The following LAMA3 variants were observed in gnomAD, a reference collection of about 807,000 sequenced individuals.
LAMA3 encodes laminin subunit alpha-3.
In LAMA3, 281 loss-of-function variants were observed where a neutral mutation model predicts 402.0. The observed-to-expected ratio is 0.70, with a 90% CI of 0.63 to 0.77. The LOEUF (loss-of-function observed/expected upper bound fraction) is 0.77. Ranked by LOEUF, LAMA3 falls within the 30% of genes least tolerant of loss-of-function variation. LAMA3 has a pLI of 0.00. For missense variants in LAMA3, 3,840 were observed against 4,215.5 expected, an observed-to-expected ratio of 0.91 and a Z score of 2.47; for synonymous variants, 1,431 against 1,558.4, an observed-to-expected ratio of 0.92 and a Z score of 1.93.
Position 23,935,371 on chromosome 18 carries a change from GTCTCTGCGTGGGCT to G in LAMA3, c.8862+1439_8862+1452del, listed in dbSNP as rs551016625. Reference sequence around the variant, plus strand: ...GAAATTTGGTGGGAGACTGTCAGGAGTCTCTGCGTGGGCTTCAGCAGATAGGGTGGGACTGGGGC... The same window carrying G: ...GAAATTTGGTGGGAGACTGTCAGGAGTCAGCAGATAGGGTGGGACTGGGGC... On this transcript the variant is annotated intron_variant, in intron 67 of 74. Transcript: ENST00000313654. Among the ~76,000 whole-genome samples, 3 of 152,356 alleles carry G rather than the reference GTCTCTGCGTGGGCT, an allele frequency of 2.0e-5. No homozygotes were observed. In the South Asian group the frequency reaches 6.2e-4, roughly 32 times the overall value.
chr18:23,941,593 C>A (rs1318372367), intron 68 of LAMA3, among the ~76,000 whole-genome samples: 1 of 152,148 alleles, frequency 6.6e-6, no homozygotes, highest in Non-Finnish European at 1.5e-5. Context: ...TTCTGATTTA[C>A]ATTCTAGCAG....
chr18:23,693,249 C>T, intron 1 of LAMA3, among the ~76,000 whole-genome samples: 1 of 152,188 alleles, frequency 6.6e-6, no homozygotes, highest in East Asian at 1.9e-4. Context: ...GAGGCTGAGG[C>T]AGCAGAATTG....
intron 68 of LAMA3, among the ~76,000 whole-genome samples, chr18:23,943,270 G>GGTGA (rs2082588092): frequency 6.6e-6 from 1 of 152,224 alleles, no homozygotes; most frequent in Non-Finnish European, 1.5e-5. Flanking sequence ...TAGAGTGGTG[G>GGTGA]TTTGTTGTCA....
rs1015504746 is a variant in LAMA3, at chr18:23,758,821, T to C, written c.1063+310T>C. Among the ~76,000 whole-genome samples, 9 of 152,308 alleles carry C rather than the reference T, an allele frequency of 5.9e-5. No individual in the cohort carries two copies. In the East Asian group the frequency reaches 1.7e-3, roughly 29 times the overall value. On this transcript the variant is annotated intron_variant, in intron 7 of 74. Coordinates refer to ENST00000313654, the MANE Select transcript of LAMA3 (RefSeq NM_198129.4). ...CAACCACTATAAAATTTTAACATCT[T>C]ATCCATTTCATAGGACGTGATACTG...
chr18:23,806,616 C>T (rs72889200), intron 12 of LAMA3, among the ~76,000 whole-genome samples: 7,741 of 152,230 alleles, frequency 0.051, 248 homozygotes, highest in Non-Finnish European at 0.073. Context: ...TCCCCATCTT[C>T]GTCATGATCT....
At chr18:23,767,578 C>CTTTTTTTTTTT (rs71163640) in intron 8 of LAMA3, among the ~76,000 whole-genome samples, 1 of 125,802 alleles carries the variant, frequency 7.9e-6, no homozygotes, top group Non-Finnish European at 1.6e-5. Flanking sequence ...TCTTTCTTTT[C>CTTTTTTTTTTT]TTTTTTTTTT....
rs1390660427 is a variant in LAMA3 at position 23,741,241 on chromosome 18, A to G, written c.448-6702A>G. Reference sequence around the variant, plus strand: ...CCCAGAGCCAAGCATACTCTTTCTGATAGTGCCAGGGCCTGAGTTTTTCAG... The same window carrying G: ...CCCAGAGCCAAGCATACTCTTTCTGGTAGTGCCAGGGCCTGAGTTTTTCAG... On this transcript the variant is annotated intron_variant, in intron 2 of 74. Coordinates refer to ENST00000313654, the MANE Select transcript of LAMA3 (RefSeq NM_198129.4). 2.6e-5 allele frequency among the ~76,000 whole-genome samples: 4 copies of G among 151,906 alleles called. 1 individual carries two copies. Among genetic ancestry groups the G allele is most frequent in the African/African-American group, 9.7e-5 (4 of 41,350 alleles).
chr18:23,764,053 T>C (rs2062028429), intron 8 of LAMA3, among the ~76,000 whole-genome samples: 3 of 152,214 alleles, frequency 2.0e-5, no homozygotes, highest in African/African-American at 7.2e-5. Flanking sequence ...CATCTCTTCA[T>C]TGAGATATTC....
At chr18:23,700,496 A>G (rs1446297060) in intron 1 of LAMA3, among the ~76,000 whole-genome samples, 1 of 152,140 alleles carries the variant, frequency 6.6e-6, no homozygotes, top group East Asian at 1.9e-4. Flanking sequence ...AATTAAGAGT[A>G]TGGGCTTTGG....
At chr18:23,880,387 A>C (rs2064857319) in intron 39 of LAMA3, among the ~76,000 whole-genome samples, 1 of 152,230 alleles carries the variant, frequency 6.6e-6, no homozygotes, top group Non-Finnish European at 1.5e-5. Context: ...GGAAAAAAAG[A>C]AAGGATATTT....
Position 23,916,800 on chromosome 18 carries a change from T to C in LAMA3, c.7923+105T>C, listed in dbSNP as rs1044990432. ...ATGACCCACTAGATCTGGAAAACAA[T>C]GTGTAAATGTTACCTGCATCCTTTT... On this transcript the variant is annotated intron_variant, in intron 60 of 74. Coordinates refer to ENST00000313654, the MANE Select transcript of LAMA3 (RefSeq NM_198129.4). 7.4e-6 allele frequency: 8 copies of C among 1,079,168 alleles called. No individual in the cohort carries two copies. The African/African-American group carries it at 1.1e-4, about 15-fold the overall frequency. The allele number at this position is 1,079,168 out of a possible 1,614,324, so 66.8% of individuals were successfully genotyped here.
At chr18:23,717,198 TG>T (rs1372543363) in intron 2 of LAMA3, among the ~76,000 whole-genome samples, 1 of 152,210 alleles carries the variant, frequency 6.6e-6, no homozygotes, top group Non-Finnish European at 1.5e-5. Context: ...TCCTATTTTT[TG>T]CCCCATTGGT....
rs1555703785 is a variant in LAMA3 at position 23,826,700 on chromosome 18, A to G, written c.2572-2A>G. The G allele has an allele frequency of 6.5e-7, 1 of 1,550,352 alleles. No homozygotes were observed. The highest frequency in any genetic ancestry group is 8.7e-7 in the Non-Finnish European group (1 of 1,143,892). ...ATTCTCCTTTTGGTCTTTATTTTCT[A>G]GGATTACCTGGTGCTGCTCCCCAGG... On this transcript the variant is annotated splice_acceptor_variant, in intron 21 of 74. Transcript: ENST00000313654. LOFTEE classifies it high-confidence loss of function.
At chr18:23,766,533 G>A (rs2062078403) in intron 8 of LAMA3, among the ~76,000 whole-genome samples, 1 of 152,118 alleles carries the variant, frequency 6.6e-6, no homozygotes, top group African/African-American at 2.4e-5. Flanking sequence ...CAAATATAAA[G>A]TACTATTTAA....
intron 32 of LAMA3, among the ~76,000 whole-genome samples, chr18:23,852,486 G>C (rs4488534): frequency 0.63 from 95,383 of 151,484 alleles, 30,484 homozygotes; most frequent in African/African-American, 0.67. Flanking sequence ...AGGTTTTTTA[G>C]CTTTCCCTTA....
At chr18:23,880,051 G>A (rs1204669030) in intron 39 of LAMA3, among the ~76,000 whole-genome samples, 3 of 152,226 alleles carry the variant, frequency 2.0e-5, no homozygotes, top group African/African-American at 4.8e-5. Context: ...AAAAGTATTA[G>A]TTCCAAAGGA....
chr18:23,896,853 G>T (rs1179292357), intron 44 of LAMA3, among the ~76,000 whole-genome samples: 1 of 152,142 alleles, frequency 6.6e-6, no homozygotes, highest in Non-Finnish European at 1.5e-5. Flanking sequence ...TCGAGTAGGG[G>T]TGGTGATAAG....
Position 23,837,093 on chromosome 18 carries a change from T to C in LAMA3, c.3093+4T>C, listed in dbSNP as rs1457856628. On this transcript the variant is annotated splice_donor_region_variant and intron_variant, in intron 25 of 74. Coordinates refer to ENST00000313654, the MANE Select transcript of LAMA3 (RefSeq NM_198129.4). ...ACACATGGCCCGATTCCTTCTGGTATGCTTCTGTTTTGCCCATTGAATTTT... is the reference window on the plus strand; with the variant it reads ...ACACATGGCCCGATTCCTTCTGGTACGCTTCTGTTTTGCCCATTGAATTTT... The C allele has an allele frequency of 6.3e-7, 1 of 1,591,010 alleles. No individual in the cohort carries two copies. Among genetic ancestry groups the C allele is most frequent in the African/African-American group, 1.3e-5 (1 of 74,378 alleles).
At chr18:23,781,180 G>A (rs2062429384) in intron 11 of LAMA3, 1 of 378,380 alleles carries the variant, frequency 2.6e-6, no homozygotes, top group Non-Finnish European at 5.4e-6. Context: ...TCAATACTTC[G>A]TTTAACGCCA....
Sources: gnomAD v4.1 joint callset for allele counts (sites outside exome capture counted in the v4.1 genomes callset) on GRCh38, gnomAD v4.1.1 for gene constraint, MANE v1.5 for transcripts, NCBI Gene and HGNC (gene_info 2026-07-23, HGNC 2026-07-21) for gene names.